Variants in SEMA5B observed in about 807,000 individuals in gnomAD.
SEMA5B encodes the protein semaphorin-5B.
In SEMA5B, 66 loss-of-function variants were observed where a neutral mutation model predicts 135.0. The observed-to-expected ratio is 0.49, with a 90% CI of 0.40 to 0.60. The LOEUF (loss-of-function observed/expected upper bound fraction) is 0.60. SEMA5B is among the 20% of genes least tolerant of loss of function. The pLI, the probability that SEMA5B is intolerant of heterozygous loss-of-function variation, is 0.00. For synonymous variants in SEMA5B, 690 were observed against 639.5 expected (o/e 1.08, Z -1.19); for missense variants, 1,501 against 1,566.3 (o/e 0.96, Z 0.70).
At chr3:123,013,390 C>G (rs1033353569) in intron 1 of SEMA5B, among the ~76,000 whole-genome samples, 1 of 152,322 alleles carries the variant, frequency 6.6e-6, no homozygotes. Flanking sequence ...GCAAAAGGAC[C>G]GGTTCACTTG....
chr3:122,993,579 G>T (rs559674472), intron 1 of SEMA5B, among the ~76,000 whole-genome samples: 1 of 152,264 alleles, frequency 6.6e-6, no homozygotes, highest in South Asian at 2.1e-4. Flanking sequence ...GAGCAAGAGA[G>T]GAGGGTGAGA....
chr3:122,984,824 C>G (rs1941644480), intron 1 of SEMA5B, among the ~76,000 whole-genome samples: 1 of 152,188 alleles, frequency 6.6e-6, no homozygotes, highest in South Asian at 2.1e-4. Flanking sequence ...CTAAATTTGT[C>G]TGACACAGGC....
chr3:122,993,203 G>C (rs1023427584), intron 1 of SEMA5B: 1 of 152,296 alleles, frequency 6.6e-6, no homozygotes, highest in Non-Finnish European at 1.5e-5. Flanking sequence ...CAACGCGGCA[G>C]CCTGCCCCCG....
rs1282278037 is a variant in SEMA5B, at chr3:122,912,340, G to A, written c.2728C>T (p.Arg910Trp). The change falls in exon 19 of 23, where the codon CGG (arginine) becomes TGG (tryptophan). Residue 910 changes from arginine (R) to tryptophan (W), a missense_variant and splice_region_variant. Coordinates refer to ENST00000357599, the MANE Select transcript of SEMA5B (RefSeq NM_001031702.4). ...GAGGTCCAGCAGGACCAAGCACCCC[G>A]AACTGCAAGGGGACGGGGTGTGTGA... ...QDCNPQACPV[R>W]GAWSCWTSWS... The A allele has an allele frequency of 3.8e-6, 6 of 1,592,622 alleles. No individual in the cohort carries two copies. The highest frequency in any genetic ancestry group is 5.1e-6 in the Non-Finnish European group (6 of 1,169,526).
At chr3:122,929,657 C>A (rs1036038310) in intron 5 of SEMA5B, among the ~76,000 whole-genome samples, 2 of 152,116 alleles carry the variant, frequency 1.3e-5, no homozygotes, top group African/African-American at 4.8e-5. Context: ...TATGTGTGTT[C>A]CCACAGTCTT....
chr3:122,971,920 A>T (rs756186098), intron 1 of SEMA5B, among the ~76,000 whole-genome samples: 3 of 152,242 alleles, frequency 2.0e-5, no homozygotes, highest in Non-Finnish European at 4.4e-5. Context: ...GAGAATAATG[A>T]TAGCAACAAC....
At chr3:122,955,193 A>G (rs11719167) in intron 2 of SEMA5B, among the ~76,000 whole-genome samples, 85,027 of 151,696 alleles carry the variant, frequency 0.56, 24,559 homozygotes, top group East Asian at 0.71. Context: ...TGGAACCTGG[A>G]ATGTTGAAGA....
chr3:122,971,007 C>T (rs758344032), intron 1 of SEMA5B, among the ~76,000 whole-genome samples: 6 of 152,236 alleles, frequency 3.9e-5, no homozygotes, highest in Non-Finnish European at 7.3e-5. Flanking sequence ...AGGGGAGAGT[C>T]TTTTGCCTCC....
chr3:123,022,938 A>T (rs537409666), intron 1 of SEMA5B, among the ~76,000 whole-genome samples: 2 of 152,370 alleles, frequency 1.3e-5, no homozygotes, highest in South Asian at 4.1e-4. Context: ...TTTCTTCAGA[A>T]GGAGAGTATT....
chr3:122,945,829 G>C (rs1939767432), intron 3 of SEMA5B, among the ~76,000 whole-genome samples: 1 of 151,370 alleles, frequency 6.6e-6, no homozygotes, highest in African/African-American at 2.4e-5. Flanking sequence ...TAAAAATGGG[G>C]AGGTGGGGGT....
chr3:122,985,472 C>G (rs970647133), intron 1 of SEMA5B, among the ~76,000 whole-genome samples: 1 of 151,736 alleles, frequency 6.6e-6, no homozygotes, highest in African/African-American at 2.4e-5. Context: ...CCACTGCACT[C>G]CAGCCTGGGT....
chr3:122,931,270 G>T (rs1938959775), intron 5 of SEMA5B, among the ~76,000 whole-genome samples: 1 of 151,912 alleles, frequency 6.6e-6, no homozygotes, highest in Admixed American at 6.6e-5. Context: ...TTGAATTCCT[G>T]TTACAGAGGT....
chr3:122,962,983 C>T (rs1166748964), intron 1 of SEMA5B, among the ~76,000 whole-genome samples: 1 of 152,224 alleles, frequency 6.6e-6, no homozygotes. Flanking sequence ...GACCCCAAAG[C>T]CCCATTCTTT....
At chr3:122,993,882 C>T (rs1016602547) in intron 1 of SEMA5B, among the ~76,000 whole-genome samples, 1 of 149,556 alleles carries the variant, frequency 6.7e-6, no homozygotes, top group African/African-American at 2.6e-5. Flanking sequence ...AAATAGTCAG[C>T]GGCATCGCCC....
At chr3:122,976,057 G>C in intron 1 of SEMA5B, 1 of 1,535,108 alleles carries the variant, frequency 6.5e-7, no homozygotes, top group Non-Finnish European at 8.7e-7. Context: ...CCAAATGCCA[G>C]CTCATCTATG....
chr3:123,008,753 A>G (rs1942368953), intron 1 of SEMA5B, among the ~76,000 whole-genome samples: 1 of 152,252 alleles, frequency 6.6e-6, no homozygotes, highest in East Asian at 1.9e-4. Context: ...AGAAGGACCA[A>G]ATTGGGCCCA....
rs55790712 is a variant in SEMA5B at position 122,956,505 on chromosome 3, A to G, written c.124+4635T>C. Among the ~76,000 whole-genome samples, 1,135 of 152,284 alleles carry G rather than the reference A, an allele frequency of 7.5e-3. 10 individuals carry two copies. The highest frequency in any genetic ancestry group is 0.026 in the African/African-American group (1,091 of 41,560). On this transcript the variant is annotated intron_variant, in intron 2 of 22. Transcript: ENST00000357599. ...CGCAGAGAAGTGGGGGCAGGAGCCA[A>G]GGCCGGAGCAATCAAGAGGCCTGCA... is the stretch of plus-strand genomic sequence containing the variant.
At chr3:122,985,484 A>T (rs186934373) in intron 1 of SEMA5B, among the ~76,000 whole-genome samples, 158 of 151,990 alleles carry the variant, frequency 1.0e-3, no homozygotes, top group African/African-American at 3.6e-3. Context: ...AGCCTGGGTG[A>T]TACAGTGTCT....
intron 8 of SEMA5B, 59 bp from the exon 9 acceptor site, chr3:122,926,736 AGTCGGGAGGACTCAAC>A (rs1212975289): frequency 6.3e-7 from 1 of 1,575,356 alleles, no homozygotes; most frequent in Non-Finnish European, 8.7e-7. Context: ...AAGATGGCAG[AGTCGGGAGGACTCAAC>A]TACTTCGGTT....
Sources: allele counts gnomAD v4.1 joint callset (sites outside exome capture counted in the v4.1 genomes callset), GRCh38; gene constraint gnomAD v4.1.1; transcripts MANE v1.5; gene names NCBI Gene and HGNC (gene_info 2026-07-23, HGNC 2026-07-21).